CSMD1: variants seen among roughly 807,000 people sequenced by gnomAD.
CSMD1 encodes CUB and sushi domain-containing protein 1.
Under a neutral mutation model 417.5 loss-of-function variants are expected in CSMD1, and 213 were observed. The ratio of observed to expected loss-of-function variants is 0.51; its 90% CI spans 0.46 to 0.57. The LOEUF (loss-of-function observed/expected upper bound fraction) is 0.57, where lower values mean the gene tolerates loss of function less well. CSMD1 is among the 20% of genes least tolerant of loss of function. The probability of loss-of-function intolerance (pLI) is 0.00; values close to 1 mark genes in which losing one functional copy is unlikely to be tolerated. For synonymous variants in CSMD1, 2,862 were observed against 1,736.8 expected (o/e 1.65, Z -16.11); for missense variants, 6,923 against 4,529.7 (o/e 1.53, Z -15.17).
intron 5 of CSMD1, among the ~76,000 whole-genome samples, chr8:3,845,547 T>G (rs890009936): frequency 6.6e-6 from 1 of 152,168 alleles, no homozygotes; most frequent in African/African-American, 2.4e-5. Flanking sequence ...GAAGTTGCTC[T>G]GGGTGTCAGT....
intron 3 of CSMD1, among the ~76,000 whole-genome samples, chr8:4,036,088 G>T (rs927008285): frequency 1.3e-5 from 2 of 152,174 alleles, no homozygotes; most frequent in Non-Finnish European, 2.9e-5. Flanking sequence ...GCCACATGCT[G>T]TACAGGTTTG....
intron 1 of CSMD1, among the ~76,000 whole-genome samples, chr8:4,675,153 A>G (rs770448196): frequency 6.6e-6 from 1 of 152,168 alleles, no homozygotes; most frequent in Non-Finnish European, 1.5e-5. Context: ...ACATTTATAT[A>G]GTTTCAGTTT....
At chr8:4,587,533 G>A (rs1392861683) in intron 2 of CSMD1, among the ~76,000 whole-genome samples, 2 of 151,924 alleles carry the variant, frequency 1.3e-5, no homozygotes, top group Non-Finnish European at 2.9e-5. Flanking sequence ...TTGTCCAAGT[G>A]TCTAACACCT....
In CSMD1 at chr8:3,881,892, T is replaced by C. The variant is rs563269999; in HGVS notation, c.818+116011A>G. 1.2e-4 allele frequency among the ~76,000 whole-genome samples: 19 copies of C among 152,250 alleles called. No homozygotes were observed. The East Asian group carries it at 3.3e-3, about 26-fold the overall frequency. Reference sequence around the variant, plus strand: ...TCTCCATAAATGGGGCTGGGTCAGTTGCATGTTCATACAGAAAAAGTTACC... The same window carrying C: ...TCTCCATAAATGGGGCTGGGTCAGTCGCATGTTCATACAGAAAAAGTTACC... On this transcript the variant is annotated intron_variant, in intron 5 of 69. Coordinates refer to ENST00000635120, the MANE Select transcript of CSMD1 (RefSeq NM_033225.6).
intron 46 of CSMD1, among the ~76,000 whole-genome samples, chr8:3,099,651 C>A (rs566891505): frequency 1.3e-5 from 2 of 152,196 alleles, no homozygotes; most frequent in South Asian, 2.1e-4. Context: ...GAAACCTTTA[C>A]TGAGTTGCTA....
chr8:3,832,503 G>C (rs1013067933), intron 5 of CSMD1, among the ~76,000 whole-genome samples: 11 of 151,888 alleles, frequency 7.2e-5, no homozygotes, highest in African/African-American at 2.7e-4. Flanking sequence ...TTTATCTGTT[G>C]CATAGCATCA....
chr8:3,694,253 G>C (rs1459643964), intron 7 of CSMD1, among the ~76,000 whole-genome samples: 2 of 152,070 alleles, frequency 1.3e-5, no homozygotes, highest in East Asian at 3.9e-4. Context: ...TGGAGTCCAG[G>C]AAGAGCCTGG....
At chr8:3,695,120 A>G (rs1052633978) in intron 7 of CSMD1, among the ~76,000 whole-genome samples, 3 of 50,972 alleles carry the variant, frequency 5.9e-5, no homozygotes, top group African/African-American at 2.0e-4. Context: ...GTGTGTGGTT[A>G]TTGAAGAAGT....
intron 46 of CSMD1, among the ~76,000 whole-genome samples, chr8:3,098,182 A>C (rs926894359): frequency 1.3e-5 from 2 of 152,196 alleles, no homozygotes; most frequent in African/African-American, 2.4e-5. Context: ...TATCAAAATT[A>C]CTTGTAGAGT....
intron 3 of CSMD1, among the ~76,000 whole-genome samples, chr8:4,358,721 A>C (rs1051140531): frequency 7.9e-5 from 12 of 152,196 alleles, no homozygotes; most frequent in Non-Finnish European, 1.5e-4. Flanking sequence ...CTTAATCATT[A>C]AAATATCTCT....
chr8:3,434,642 ATTGT>A (rs1466044618), intron 12 of CSMD1, among the ~76,000 whole-genome samples: 1 of 152,140 alleles, frequency 6.6e-6, no homozygotes, highest in Non-Finnish European at 1.5e-5. Flanking sequence ...TCTCAACCTA[ATTGT>A]TTGATCTGAT....
chr8:3,806,868 C>A (rs564187343), intron 5 of CSMD1, among the ~76,000 whole-genome samples: 1 of 152,056 alleles, frequency 6.6e-6, no homozygotes, highest in Non-Finnish European at 1.5e-5. Flanking sequence ...ATCTAGTAAC[C>A]AATTAACAGT....
At chr8:4,659,951 T>G (rs562408520) in intron 1 of CSMD1, among the ~76,000 whole-genome samples, 1 of 151,934 alleles carries the variant, frequency 6.6e-6, no homozygotes, top group South Asian at 2.1e-4. Context: ...CTCTGAAAAC[T>G]AGGAATGAAG....
chr8:4,122,990 C>A (rs527770588), intron 3 of CSMD1, among the ~76,000 whole-genome samples: 9 of 152,184 alleles, frequency 5.9e-5, no homozygotes, highest in African/African-American at 1.7e-4. Context: ...TTGGCAAAGA[C>A]GTGCCACTGA....
At chr8:4,194,299 A>C (rs1289668952) in intron 3 of CSMD1, among the ~76,000 whole-genome samples, 1 of 152,190 alleles carries the variant, frequency 6.6e-6, no homozygotes, top group Non-Finnish European at 1.5e-5. Context: ...AAATGTTCCC[A>C]AGTCATTCCT....
At chr8:3,181,252 A>G (rs1821305196) in intron 36 of CSMD1, 38 bp from the exon 37 acceptor site, 2 of 1,325,488 alleles carry the variant, frequency 1.5e-6, no homozygotes, top group African/African-American at 2.9e-5. Flanking sequence ...TAACACTACA[A>G]ATACATTCAC....
At chr8:4,073,671 A>G (rs1466789347) in intron 3 of CSMD1, among the ~76,000 whole-genome samples, 1 of 152,172 alleles carries the variant, frequency 6.6e-6, no homozygotes, top group Admixed American at 6.5e-5. Context: ...AAGTATAGTT[A>G]TATTTAGATT....
intron 5 of CSMD1, among the ~76,000 whole-genome samples, chr8:3,771,990 G>A (rs144873093): frequency 4.2e-4 from 64 of 151,968 alleles, no homozygotes; most frequent in Middle Eastern, 6.8e-3. Context: ...CCAATTCTGG[G>A]CTGGTGAGAA....
chr8:3,787,796 G>A (rs547931368), intron 5 of CSMD1, among the ~76,000 whole-genome samples: 1 of 152,184 alleles, frequency 6.6e-6, no homozygotes, highest in Non-Finnish European at 1.5e-5. Context: ...GCACTTTTTA[G>A]TACTTTAAAT....
Sources: allele counts gnomAD v4.1 joint callset (sites outside exome capture counted in the v4.1 genomes callset), GRCh38; gene constraint gnomAD v4.1.1; transcripts MANE v1.5; gene names NCBI Gene and HGNC (gene_info 2026-07-23, HGNC 2026-07-21).